The following DGKD variants were observed in gnomAD, a reference collection of about 807,000 sequenced individuals.
The protein encoded by DGKD is diacylglycerol kinase delta.
A neutral mutation model predicts 154.4 loss-of-function variants in DGKD; 68 were observed. That is an observed-to-expected ratio of 0.44 (90% CI 0.36 to 0.54). The LOEUF is 0.54. DGKD is among the 20% of genes least tolerant of loss of function. DGKD has a pLI of 0.00. For missense variants in DGKD, 1,343 were observed against 1,593.6 expected (o/e 0.84, Z 2.68); for synonymous variants, 693 against 638.0 (o/e 1.09, Z -1.30).
At chr2:233,372,352 C>G (rs1164155653) in intron 1 of DGKD, among the ~76,000 whole-genome samples, 1 of 152,190 alleles carries the variant, frequency 6.6e-6, no homozygotes, top group African/African-American at 2.4e-5. Context: ...AGAATATGGA[C>G]TTGATTCAGT....
At chr2:233,378,098 C>T (rs139598801) in intron 1 of DGKD, among the ~76,000 whole-genome samples, 14,229 of 151,240 alleles carry the variant, frequency 0.094, 737 homozygotes, top group South Asian at 0.14. Flanking sequence ...TGCACCACCA[C>T]GCCCAGCTAT....
chr2:233,420,531 C>CT (rs1198402588), intron 3 of DGKD, among the ~76,000 whole-genome samples: 2 of 152,144 alleles, frequency 1.3e-5, no homozygotes, highest in African/African-American at 4.8e-5. Flanking sequence ...TGTTTATATA[C>CT]TTTTTTGATA....
chr2:233,372,387 A>G (rs1317052349), intron 1 of DGKD, among the ~76,000 whole-genome samples: 3 of 152,180 alleles, frequency 2.0e-5, no homozygotes, highest in Non-Finnish European at 2.9e-5. Context: ...GGTAAACTTG[A>G]AATAACACTC....
At chr2:233,378,179 C>A (rs914797435) in intron 1 of DGKD, among the ~76,000 whole-genome samples, 2 of 151,552 alleles carry the variant, frequency 1.3e-5, no homozygotes, top group Non-Finnish European at 2.9e-5. Flanking sequence ...TTTGGGAGGC[C>A]AAGGCGGGTG....
At chr2:233,395,704 T>C (rs1433793783) in intron 3 of DGKD, among the ~76,000 whole-genome samples, 2 of 150,346 alleles carry the variant, frequency 1.3e-5, no homozygotes, top group African/African-American at 4.9e-5. Flanking sequence ...GGTCTTACTC[T>C]GTCGCCCGGG....
intron 5 of DGKD, 114 bp downstream of exon 5, chr2:233,435,015 CA>C: frequency 7.1e-7 from 1 of 1,401,630 alleles, no homozygotes; most frequent in Non-Finnish European, 9.5e-7. Context: ...CCCATGTGGT[CA>C]GTCAAGGGCA....
At chr2:233,401,543 T>TAG (rs1209918677) in intron 3 of DGKD, among the ~76,000 whole-genome samples, 1 of 152,088 alleles carries the variant, frequency 6.6e-6, no homozygotes, top group African/African-American at 2.4e-5. Context: ...AGGTGAACCT[T>TAG]AGAGAGGAAA....
In DGKD at chr2:233,449,514, C is replaced by T. The variant is rs1575145032; in HGVS notation, c.1888+138C>T. On this transcript the variant is annotated intron_variant, in intron 15 of 29. Transcript: ENST00000264057. The surrounding 1 kb of genome is among the most constrained non-coding windows in gnomAD (Gnocchi z 5.3). ...GGCCCTCTCCACCCATGTCCAGGCACCAGACCCCCAACGAGTTCGCTTGCC... is the reference window on the plus strand; with the variant it reads ...GGCCCTCTCCACCCATGTCCAGGCATCAGACCCCCAACGAGTTCGCTTGCC... 4.8e-6 allele frequency: 6 copies of T among 1,246,514 alleles called. No homozygotes were observed. The South Asian group carries it at 6.2e-5, about 13-fold the overall frequency. The allele number at this position is 1,246,514 out of a possible 1,614,324, so 77.2% of individuals were successfully genotyped here.
intron 1 of DGKD, among the ~76,000 whole-genome samples, chr2:233,381,926 G>C (rs1046822442): frequency 6.6e-6 from 1 of 152,194 alleles, no homozygotes; most frequent in Non-Finnish European, 1.5e-5. Flanking sequence ...AAATACTCAT[G>C]AAAATTTAAA....
intron 3 of DGKD, among the ~76,000 whole-genome samples, chr2:233,418,304 C>G (rs1314499775): frequency 6.6e-6 from 1 of 152,200 alleles, no homozygotes; most frequent in African/African-American, 2.4e-5. Flanking sequence ...GGGGCACCAG[C>G]TCTACATCTG....
At chr2:233,460,873 C>A (rs1421734928) in intron 24 of DGKD, among the ~76,000 whole-genome samples, 1 of 152,094 alleles carries the variant, frequency 6.6e-6, no homozygotes, top group Admixed American at 6.5e-5. Flanking sequence ...ACCTGGGCGA[C>A]AGAGCAAGAC....
At chr2:233,381,079 T>TGTCAGAGTTAGCACCAGACTC (rs1275043350) in intron 1 of DGKD, among the ~76,000 whole-genome samples, 1 of 152,208 alleles carries the variant, frequency 6.6e-6, no homozygotes, top group Non-Finnish European at 1.5e-5. Context: ...GGTTCCTTTC[T>TGTCAGAGTTAGCACCAGACTC]GTCAGAGTTA....
intron 3 of DGKD, among the ~76,000 whole-genome samples, chr2:233,423,751 C>T (rs543209638): frequency 1.3e-5 from 2 of 152,238 alleles, no homozygotes; most frequent in African/African-American, 4.8e-5. Flanking sequence ...TCTTGTCTGA[C>T]TGCCCCCTTC....
intron 27 of DGKD, among the ~76,000 whole-genome samples, chr2:233,465,160 G>A (rs1169031343): frequency 6.6e-6 from 1 of 152,190 alleles, no homozygotes; most frequent in Non-Finnish European, 1.5e-5. Context: ...GAGGGCACTT[G>A]GGTATAAAAG....
intron 1 of DGKD, among the ~76,000 whole-genome samples, chr2:233,386,729 A>G (rs890230022): frequency 1.3e-5 from 2 of 152,158 alleles, no homozygotes; most frequent in African/African-American, 4.8e-5. Context: ...GAGTCAGTAG[A>G]TTCTTCAGCA....
chr2:233,434,572 C>T (rs2062629233), intron 4 of DGKD, 88 bp downstream of exon 4: 1 of 1,444,736 alleles, frequency 6.9e-7, no homozygotes. Context: ...CACGTGCGGA[C>T]CCACAGTCTG....
chr2:233,435,530 T>C (rs2062660147), intron 5 of DGKD, among the ~76,000 whole-genome samples: 1 of 152,248 alleles, frequency 6.6e-6, no homozygotes, highest in African/African-American at 2.4e-5. Flanking sequence ...TTGTGCTACA[T>C]GACAGAGTTG....
chr2:233,380,283 C>T (rs1411141637), intron 1 of DGKD, among the ~76,000 whole-genome samples: 1 of 152,054 alleles, frequency 6.6e-6, no homozygotes, highest in African/African-American at 2.4e-5. Context: ...AGGCCTGGCC[C>T]CTGGGGACGC....
At chr2:233,356,590 G>A (rs1701542580) in intron 1 of DGKD, among the ~76,000 whole-genome samples, 1 of 152,192 alleles carries the variant, frequency 6.6e-6, no homozygotes, top group African/African-American at 2.4e-5. Flanking sequence ...TTGTTGGTTA[G>A]GAGGTGTTTT....
Sources: allele counts gnomAD v4.1 joint callset (sites outside exome capture counted in the v4.1 genomes callset), GRCh38; gene constraint gnomAD v4.1.1; non-coding constraint Gnocchi (gnomAD v3.1); transcripts MANE v1.5; gene names NCBI Gene and HGNC (gene_info 2026-07-23, HGNC 2026-07-21).